Variants in EYA1 observed in about 807,000 individuals in gnomAD.
EYA1 encodes the protein EYA transcriptional coactivator and phosphatase 1.
In EYA1, 16 loss-of-function variants were observed where a neutral mutation model predicts 82.0. The ratio of observed to expected loss-of-function variants is 0.20; its 90% CI spans 0.13 to 0.30. The LOEUF is 0.30. EYA1 is among the 10% of genes least tolerant of loss of function. EYA1 has a pLI of 1.00. For synonymous variants in EYA1, 261 were observed against 264.4 expected (o/e 0.99, Z 0.12); for missense variants, 633 against 730.7 (o/e 0.87, Z 1.54).
At chr8:71,407,754 C>T (rs1253796796) in intron 2 of EYA1, among the ~76,000 whole-genome samples, 1 of 134,282 alleles carries the variant, frequency 7.4e-6, no homozygotes, top group Non-Finnish European at 1.6e-5. Flanking sequence ...GATTGGTGTA[C>T]CTGAAAGTGA....
chr8:71,345,428 T>TA (rs1402762147), intron 3 of EYA1, among the ~76,000 whole-genome samples: 1 of 152,226 alleles, frequency 6.6e-6, no homozygotes, highest in Non-Finnish European at 1.5e-5. Flanking sequence ...GTTAAGTAAG[T>TA]ATTCATCATC....
Position 71,376,705 on chromosome 8 carries a change from C to T in EYA1, c.34-20194G>A, listed in dbSNP as rs80312680. Among the ~76,000 whole-genome samples, 108 of 152,184 alleles carry T rather than the reference C, an allele frequency of 7.1e-4. 1 individual carries two copies. The East Asian group carries it at 0.012, about 17-fold the overall frequency. ...AAACTAAGGATGACTGCAGTCTCTC[C>T]GCGTAAACAAGAAACACCAGTGATT... On this transcript the variant is annotated intron_variant, in intron 2 of 18. Transcript: ENST00000643681.
Position 71,211,270 on chromosome 8 carries a change from A to G in EYA1, c.1598-14T>C. On this transcript the variant is annotated splice_polypyrimidine_tract_variant and intron_variant, in intron 16 of 17. Transcript: ENST00000340726. ...AGCTTTCTTTTCCTAGTGAACAAAAATAAATGATAGAAAATGTGAAGTTTG... is the reference window on the plus strand; with the variant it reads ...AGCTTTCTTTTCCTAGTGAACAAAAGTAAATGATAGAAAATGTGAAGTTTG... 1 of 1,538,752 alleles carries G rather than the reference A, an allele frequency of 6.5e-7. No individual in the cohort carries two copies. Among genetic ancestry groups the G allele is most frequent in the South Asian group, 1.1e-5 (1 of 89,568 alleles).
chr8:71,256,753 A>G (rs1461624099), intron 11 of EYA1, among the ~76,000 whole-genome samples: 1 of 152,158 alleles, frequency 6.6e-6, no homozygotes, highest in African/African-American at 2.4e-5. Flanking sequence ...TAATCCCAAC[A>G]CTTTGGGAGG....
chr8:71,207,583 C>CATTTGGTCAAAAAATTCAGTATGTTTT (rs1807965395), intron 17 of EYA1, among the ~76,000 whole-genome samples: 1 of 152,124 alleles, frequency 6.6e-6, no homozygotes, highest in African/African-American at 2.4e-5. Flanking sequence ...TAGGAGGACT[C>CATTTGGTCAAAAAATTCAGTATGTTTT]ATTTGGTCAA....
chr8:71,299,262 CTG>C, intron 8 of EYA1, 29 bp from the exon 9 acceptor site: 8 of 1,605,660 alleles, frequency 5.0e-6, no homozygotes, highest in Non-Finnish European at 6.8e-6. Context: ...CAAGAATTGT[CTG>C]TCAAAATACT....
intron 2 of EYA1, among the ~76,000 whole-genome samples, chr8:71,506,536 T>C (rs914454817): frequency 1.3e-5 from 2 of 152,258 alleles, no homozygotes; most frequent in African/African-American, 2.4e-5. Context: ...TATTTGTTAT[T>C]GTAATTTTGC....
intron 2 of EYA1, among the ~76,000 whole-genome samples, chr8:71,521,410 A>T (rs1471661795): frequency 6.6e-6 from 1 of 152,132 alleles, no homozygotes; most frequent in Non-Finnish European, 1.5e-5. Context: ...TACATATGGG[A>T]ATTATAAATT....
At chr8:71,443,154 G>T (rs1806557704) in intron 2 of EYA1, among the ~76,000 whole-genome samples, 1 of 152,138 alleles carries the variant, frequency 6.6e-6, no homozygotes. Flanking sequence ...GAAAGATAAT[G>T]ATGAATAACC....
At chr8:71,498,186 G>A (rs1811559588) in intron 2 of EYA1, among the ~76,000 whole-genome samples, 2 of 152,142 alleles carry the variant, frequency 1.3e-5, no homozygotes, top group Admixed American at 1.3e-4. Flanking sequence ...CAAAAATGCT[G>A]AGTGTGGATG....
At chr8:71,496,564 T>G (rs1811428965) in intron 2 of EYA1, among the ~76,000 whole-genome samples, 3 of 152,230 alleles carry the variant, frequency 2.0e-5, no homozygotes, top group Admixed American at 2.0e-4. Context: ...TTGTTGTAAT[T>G]TAGAAGTTAT....
intron 2 of EYA1, among the ~76,000 whole-genome samples, chr8:71,444,924 G>A (rs549706532): frequency 3.4e-4 from 52 of 152,268 alleles, no homozygotes; most frequent in African/African-American, 1.2e-3. Flanking sequence ...ATCCTAAAAT[G>A]TAATATTTTT....
At chr8:71,419,498 A>G (rs1242441369) in intron 2 of EYA1, among the ~76,000 whole-genome samples, 1 of 152,174 alleles carries the variant, frequency 6.6e-6, no homozygotes, top group East Asian at 1.9e-4. Flanking sequence ...TTCTTTTCAT[A>G]AAGACTGTCA....
intron 2 of EYA1, among the ~76,000 whole-genome samples, chr8:71,420,957 C>T (rs1384672793): frequency 6.6e-6 from 1 of 152,112 alleles, no homozygotes; most frequent in African/African-American, 2.4e-5. Context: ...TAGGCATACT[C>T]TTGATTTTTT....
In EYA1 at chr8:71,217,551, G is replaced by A. The variant is rs1267849622; in HGVS notation, c.1141-528C>T. On this transcript the variant is annotated intron_variant, in intron 12 of 17. Transcript: ENST00000340726. ...ACTGGTTTCCATTTATTTGAGAGATGTGAGTTTTATCCTCCCTCTTTCTCT... is the reference window on the plus strand; with the variant it reads ...ACTGGTTTCCATTTATTTGAGAGATATGAGTTTTATCCTCCCTCTTTCTCT... Among the ~76,000 whole-genome samples, 5 of 152,034 alleles carry A rather than the reference G, an allele frequency of 3.3e-5. No individual in the cohort carries two copies. The East Asian group carries it at 7.7e-4, about 23-fold the overall frequency.
rs530571196 is a variant in EYA1, at chr8:71,220,917, C to T, written c.1141-3894G>A. Reference sequence around the variant, plus strand: ...AGATCCCAGCAAGGAGCAGGCTTTGCCAAGGAAGCAGTGGTCAAGTTATCA... The same window carrying T: ...AGATCCCAGCAAGGAGCAGGCTTTGTCAAGGAAGCAGTGGTCAAGTTATCA... On this transcript the variant is annotated intron_variant, in intron 12 of 17. Transcript: ENST00000340726. Among the ~76,000 whole-genome samples, 6 of 152,240 alleles carry T rather than the reference C, an allele frequency of 3.9e-5. No homozygotes were observed. The South Asian group carries it at 1.2e-3, about 32-fold the overall frequency.
At chr8:71,405,515 G>C (rs1445178730) in intron 2 of EYA1, among the ~76,000 whole-genome samples, 1 of 152,140 alleles carries the variant, frequency 6.6e-6, no homozygotes, top group African/African-American at 2.4e-5. Context: ...GATTATAGAG[G>C]AAGTTGTTTA....
intron 12 of EYA1, among the ~76,000 whole-genome samples, chr8:71,229,867 A>G (rs756207413): frequency 1.8e-4 from 28 of 152,300 alleles, no homozygotes; most frequent in Middle Eastern, 3.4e-3. Context: ...GTTAATTCTT[A>G]GTTGATTATT....
At chr8:71,456,055 A>G (rs2129184623) in intron 2 of EYA1, among the ~76,000 whole-genome samples, 1 of 152,356 alleles carries the variant, frequency 6.6e-6, no homozygotes, top group East Asian at 1.9e-4. Context: ...CAACTTCAGC[A>G]AAGTCTCAGG....
Sources: gnomAD v4.1 joint callset for allele counts (sites outside exome capture counted in the v4.1 genomes callset) on GRCh38, gnomAD v4.1.1 for gene constraint, MANE v1.5 for transcripts, NCBI Gene and HGNC (gene_info 2026-07-23, HGNC 2026-07-21) for gene names.